The following E2F2 variants were observed in gnomAD, a reference collection of about 807,000 sequenced individuals.
The protein encoded by E2F2 is E2F transcription factor 2, also known as transcription factor E2F2.
In E2F2, 22 loss-of-function variants were observed where a neutral mutation model predicts 42.2. The ratio of observed to expected loss-of-function variants is 0.52; its 90% CI spans 0.37 to 0.74. The LOEUF (loss-of-function observed/expected upper bound fraction) is 0.74. Ranked by LOEUF, E2F2 falls within the 30% of genes least tolerant of loss-of-function variation. The probability of loss-of-function intolerance (pLI) is 0.00; values close to 1 mark genes in which losing one functional copy is unlikely to be tolerated. For synonymous variants in E2F2, 248 were observed against 251.6 expected (o/e 0.99, Z 0.13); for missense variants, 481 against 557.8 (o/e 0.86, Z 1.39).
In E2F2 at chr1:23,509,903, G is replaced by A; in HGVS notation, c.1291C>T (p.Leu431Phe). Residue 431 changes from leucine to phenylalanine, a missense_variant, in exon 7 of 7, where the codon CTT (leucine) becomes TTT (phenylalanine). Leu to Phe is a conservative substitution (Grantham distance 22). Coordinates refer to ENST00000361729, the MANE Select transcript of E2F2 (RefSeq NM_004091.4). The stretch of plus-strand genomic sequence containing the variant: ...ACTCAATTAATCAACAGGTCCCCAA[G>A]GTCGTAGGAGTCGAAGAGATCGCTG... ...GISDLFDSYD[L>F]GDLLIN 6.4e-7 allele frequency: 1 copy of A among 1,567,784 alleles called. No individual in the cohort carries two copies. The highest frequency in any genetic ancestry group is 8.7e-7 in the Non-Finnish European group (1 of 1,153,874).
chr1:23,530,643 G>A lies in E2F2; in HGVS notation c.151C>T (p.Gln51Ter). 1 of 1,613,354 alleles carries A rather than the reference G, an allele frequency of 6.2e-7. No individual in the cohort carries two copies. The highest frequency in any genetic ancestry group is 8.5e-7 in the Non-Finnish European group (1 of 1,179,780). ...TATYYTPLYP[Q>*]TAPPAAAPGT... ...GGCGCCGCTGCGGGAGGCGCCGTCTGCGGGTACAGCGGTGTGTAGTAGGTA... is the reference window on the plus strand; with the variant it reads ...GGCGCCGCTGCGGGAGGCGCCGTCTACGGGTACAGCGGTGTGTAGTAGGTA... The change falls in exon 1 of 7, where the codon CAG (glutamine) becomes TAG (stop). Residue 51 changes from glutamine to a stop codon, truncating the protein, a stop_gained. Transcript: ENST00000361729. LOFTEE classifies it high-confidence loss of function. This position sits in a 1 kb window ranked among gnomAD's most constrained non-coding sequence, Gnocchi z 4.4.
chr1:23,520,879 C>T, intron 4 of E2F2, 34 bp downstream of exon 4: 3 of 1,511,628 alleles, frequency 2.0e-6, no homozygotes, highest in South Asian at 1.3e-5. Flanking sequence ...CAGGTTCCTG[C>T]TCCCTGACAC....
intron 2 of E2F2, among the ~76,000 whole-genome samples, chr1:23,522,774 C>G (rs1375710775): frequency 1.1e-4 from 17 of 152,052 alleles, no homozygotes; most frequent in Non-Finnish European, 1.5e-5. Flanking sequence ...GTTGCAAGAC[C>G]ACATCTCAGC....
At chr1:23,527,714 G>A (rs979763446) in intron 1 of E2F2, among the ~76,000 whole-genome samples, 1 of 152,222 alleles carries the variant, frequency 6.6e-6, no homozygotes, top group East Asian at 1.9e-4. Context: ...CTTCGTAGCT[G>A]AACAGCCTGG....
At chr1:23,517,361 C>T (rs984028676) in intron 5 of E2F2, among the ~76,000 whole-genome samples, 5 of 152,202 alleles carry the variant, frequency 3.3e-5, no homozygotes, top group Non-Finnish European at 7.3e-5. Flanking sequence ...CAGAACTGCA[C>T]CTAGCAAAAA....
intron 1 of E2F2, among the ~76,000 whole-genome samples, chr1:23,526,385 C>T (rs1211218738): frequency 6.6e-6 from 1 of 152,044 alleles, no homozygotes; most frequent in African/African-American, 2.4e-5. Context: ...CTCCATCAAT[C>T]CTGACCAAGG....
At chr1:23,529,470 C>T (rs1643303469) in intron 1 of E2F2, among the ~76,000 whole-genome samples, 1 of 152,170 alleles carries the variant, frequency 6.6e-6, no homozygotes, top group Non-Finnish European at 1.5e-5. Context: ...GACCAGATGC[C>T]TCTGGGGCAG....
intron 1 of E2F2, among the ~76,000 whole-genome samples, chr1:23,526,851 GCACACACACA>G (rs3221150): frequency 2.7e-5 from 4 of 148,722 alleles, no homozygotes; most frequent in African/African-American, 9.9e-5. Flanking sequence ...GCATGTACTT[GCACACACACA>G]CACACACACA....
chr1:23,522,147 T>A, intron 2 of E2F2, 91 bp from the exon 3 acceptor site: 1 of 1,137,964 alleles, frequency 8.8e-7, no homozygotes, highest in South Asian at 1.4e-5. Context: ...AAGTACCACC[T>A]TTCACCACCC....
At chr1:23,527,736 T>A (rs1643274816) in intron 1 of E2F2, among the ~76,000 whole-genome samples, 2 of 152,226 alleles carry the variant, frequency 1.3e-5, no homozygotes. Flanking sequence ...ATTCACTGTC[T>A]TGCCTCTCTG....
At chr1:23,518,757 C>T (rs1403556975) in intron 5 of E2F2, among the ~76,000 whole-genome samples, 9 of 152,132 alleles carry the variant, frequency 5.9e-5, no homozygotes, top group East Asian at 1.9e-4. Context: ...TGTGCATGTG[C>T]GCAGGAACCC....
chr1:23,510,649 T>G (rs926369476), intron 6 of E2F2, among the ~76,000 whole-genome samples: 3 of 152,124 alleles, frequency 2.0e-5, no homozygotes, highest in African/African-American at 7.2e-5. Context: ...TGCTACAACA[T>G]AGATGAACCC....
downstream of E2F2, among the ~76,000 whole-genome samples, chr1:23,506,152 AG>A (rs1162531761): frequency 2.6e-5 from 4 of 152,068 alleles, no homozygotes; most frequent in Non-Finnish European, 5.9e-5. Flanking sequence ...AGAGGGTGGG[AG>A]GGAGAGTGTG....
rs1553184195 is a variant in E2F2 at position 23,522,101 on chromosome 1, C to CCGCCCAGGACCCT, written c.359-58_359-46dup. The CCGCCCAGGACCCT allele has an allele frequency of 3.8e-6, 6 of 1,578,588 alleles. No individual in the cohort carries two copies. The Admixed American group carries it at 5.1e-5, about 13-fold the overall frequency. On this transcript the variant is annotated intron_variant, in intron 2 of 6. Transcript: ENST00000361729. Reference sequence around the variant, plus strand: ...AGTCACAGCTCAGGGAGGGGAGGGCCCGCCCAGGACCCTCGTCCATTGACC... The same window carrying CCGCCCAGGACCCT: ...AGTCACAGCTCAGGGAGGGGAGGGCCCGCCCAGGACCCTCGCCCAGGACCCTCGTCCATTGACC...
At chr1:23,516,799 G>A (rs3218185) in intron 5 of E2F2, among the ~76,000 whole-genome samples, 7 of 21,180 alleles carry the variant, frequency 3.3e-4, no homozygotes, top group South Asian at 9.1e-4. Flanking sequence ...GTTTTGGGGC[G>A]GGGGGGGGGG....
Position 23,516,529 on chromosome 1 carries a change from T to C in E2F2, c.853-2A>G, listed in dbSNP as rs1643023030. On this transcript the variant is annotated splice_acceptor_variant, in intron 5 of 6. Coordinates refer to ENST00000361729, the MANE Select transcript of E2F2 (RefSeq NM_004091.4). LOFTEE classifies it high-confidence loss of function. ...CTTGAGATATATCTGCAGGTTGTCC[T>C]GGAGGAGGAAGAGAAGCCAGGTCAT... is the stretch of plus-strand genomic sequence containing the variant. 1.4e-5 allele frequency: 22 copies of C among 1,601,974 alleles called. No individual in the cohort carries two copies. Among genetic ancestry groups the C allele is most frequent in the Non-Finnish European group, 1.8e-5 (21 of 1,174,646 alleles).
intron 2 of E2F2, among the ~76,000 whole-genome samples, chr1:23,522,967 A>C (rs1045692339): frequency 6.6e-6 from 1 of 152,152 alleles, no homozygotes; most frequent in African/African-American, 2.4e-5. Flanking sequence ...GCCTTGACCA[A>C]TCAAATGTAG....
In E2F2 at chr1:23,531,013, C is replaced by A; in HGVS notation, c.-220G>T. 5 of 497,568 alleles carry A rather than the reference C, an allele frequency of 1.0e-5. No individual in the cohort carries two copies. The highest frequency in any genetic ancestry group is 1.7e-5 in the Non-Finnish European group (5 of 302,984). 30.8% of individuals were successfully genotyped at this position (497,568 alleles called of 1,614,324 possible). ...CCGCTTGGAGATCGCCCGGCGGCTG[C>A]GGTGGTGGCACTGCCAGGGGCTGTC... On this transcript the variant is annotated 5_prime_UTR_variant, in exon 1 of 7. Transcript: ENST00000361729.
In E2F2 at chr1:23,508,299, A is replaced by G. The variant is rs1167811783; in HGVS notation, c.*1581T>C. 2.0e-5 allele frequency: 3 copies of G among 152,274 alleles called. No homozygotes were observed. Among genetic ancestry groups the G allele is most frequent in the African/African-American group, 7.2e-5 (3 of 41,468 alleles). The allele number at this position is 152,274 out of a possible 1,614,324, so 9.4% of individuals were successfully genotyped here. On this transcript the variant is annotated 3_prime_UTR_variant, in exon 7 of 7. Transcript: ENST00000361729. ...ACATCAGTCAGTCAGCTCAGGAGCC[A>G]TCCAACAAAACCAACTTCATATTTT...
Sources: gnomAD v4.1 joint callset for allele counts (sites outside exome capture counted in the v4.1 genomes callset) on GRCh38, gnomAD v4.1.1 for gene constraint, Gnocchi (gnomAD v3.1) non-coding constraint, MANE v1.5 for transcripts, NCBI Gene and HGNC (gene_info 2026-07-23, HGNC 2026-07-21) for gene names.